BPIFB3: variants seen among roughly 807,000 people sequenced by gnomAD.
BPIFB3 encodes the protein BPI fold-containing family B member 3.
Under a neutral mutation model 53.1 loss-of-function variants are expected in BPIFB3, and 49 were observed. The ratio of observed to expected loss-of-function variants is 0.92; its 90% CI spans 0.73 to 1.17. The LOEUF is 1.17. BPIFB3 is among the 50% of genes most tolerant of loss of function. BPIFB3 has a pLI of 0.00. For missense variants in BPIFB3, 628 were observed against 592.5 expected (o/e 1.06, Z -0.62); for synonymous variants, 271 against 269.6 (o/e 1.01, Z -0.05).
chr20:33,064,243 G>A (rs1980572507), intron 6 of BPIFB3, among the ~76,000 whole-genome samples: 1 of 152,192 alleles, frequency 6.6e-6, no homozygotes, highest in Non-Finnish European at 1.5e-5. Context: ...AGGAATCCTG[G>A]TTTTGAACAC....
intron 11 of BPIFB3, among the ~76,000 whole-genome samples, chr20:33,070,532 G>A (rs566847371): frequency 2.0e-4 from 30 of 152,308 alleles, no homozygotes; most frequent in East Asian, 7.7e-4. Context: ...ACGGCAGGCC[G>A]TCCCTAGAGC....
chr20:33,055,296 T>C, upstream of BPIFB3: 2 of 1,410,276 alleles, frequency 1.4e-6, no homozygotes, highest in East Asian at 2.3e-5. Context: ...AAGGCTTTCC[T>C]GGGAGTGAAG....
At chr20:33,071,728 A>G (rs1444304144) in intron 12 of BPIFB3, among the ~76,000 whole-genome samples, 2 of 152,182 alleles carry the variant, frequency 1.3e-5, no homozygotes, top group African/African-American at 4.8e-5. Context: ...CTCAGGTTCT[A>G]GAACATTCTC....
At chr20:33,059,129 C>T (rs1980334469) in intron 2 of BPIFB3, among the ~76,000 whole-genome samples, 1 of 152,160 alleles carries the variant, frequency 6.6e-6, no homozygotes, top group Non-Finnish European at 1.5e-5. Context: ...GTTGAGCACA[C>T]ACCGTACCAG....
chr20:33,069,978 G>A, intron 11 of BPIFB3, 23 bp downstream of exon 12: 2 of 1,612,974 alleles, frequency 1.2e-6, no homozygotes, highest in Non-Finnish European at 1.7e-6. Context: ...CCTGGGGACA[G>A]GATCTTGTTC....
At chr20:33,055,320 G>C (rs533714752), upstream of BPIFB3, 5 of 1,531,162 alleles carry the variant, frequency 3.3e-6, no homozygotes, top group Admixed American at 5.2e-5. Flanking sequence ...AATTTGGGCT[G>C]TGCCAGGTGG....
At chr20:33,066,985 A>G (rs1980696549) in intron 9 of BPIFB3, 108 bp downstream of exon 10, 2 of 1,121,080 alleles carry the variant, frequency 1.8e-6, no homozygotes, top group Non-Finnish European at 2.7e-6. Context: ...GCAATTGAAC[A>G]GTTGAGTCCA....
At chr20:33,066,458 A>G (rs193112259) in intron 8 of BPIFB3, among the ~76,000 whole-genome samples, 67 of 152,354 alleles carry the variant, frequency 4.4e-4, no homozygotes, top group Middle Eastern at 6.8e-3. Context: ...GCCTTGGCAG[A>G]GTAAAAGGTT....
intron 10 of BPIFB3, among the ~76,000 whole-genome samples, chr20:33,069,329 C>G (rs930837397): frequency 5.3e-5 from 8 of 152,176 alleles, no homozygotes; most frequent in African/African-American, 1.9e-4. Context: ...CTTCCTCCAT[C>G]GCACCTCTGC....
At chr20:33,072,619 T>C in intron 13 of BPIFB3, 98 bp from the exon 15 acceptor site, 1 of 998,088 alleles carries the variant, frequency 1.0e-6, no homozygotes, top group Non-Finnish European at 1.6e-6. Context: ...GGCTGGCTAG[T>C]GAAAGTGATG....
exon 4 of BPIFB3, chr20:33,059,993 C>T (rs1305725049): frequency 1.9e-6 from 3 of 1,614,182 alleles, no homozygotes; most frequent in African/African-American, 2.7e-5. Flanking sequence ...TCCTCAAGCG[C>T]TGCAGCACGC....
At chr20:33,064,524 C>T (rs1568994759) in exon 7 of BPIFB3, 1 of 1,614,112 alleles carries the variant, frequency 6.2e-7, no homozygotes, top group Non-Finnish European at 8.5e-7. Flanking sequence ...TCATCTCCAA[C>T]CAGTACATAG....
chr20:33,054,503 T>C (rs570726828), upstream of BPIFB3, among the ~76,000 whole-genome samples: 1 of 152,200 alleles, frequency 6.6e-6, no homozygotes, highest in Non-Finnish European at 1.5e-5. Flanking sequence ...AGGCAATGTT[T>C]ATCCGGAATC....
rs778336737 is a variant in BPIFB3 at position 33,064,728 on chromosome 20, G to C, written c.807G>C (p.Lys269Asn). 5 of 1,614,126 alleles carry C rather than the reference G, an allele frequency of 3.1e-6. No individual in the cohort carries two copies. The South Asian group carries it at 5.5e-5, about 18-fold the overall frequency. ...TCCCCAAGTCCCGTGCCCCAGCCAA[G>C]GTGCCCCCCAAGAAGGACCACACAT... is the stretch of plus-strand genomic sequence containing the variant. Residue 269 changes from lysine (K) to asparagine (N), a missense_variant, in exon 8 of 15, where the codon AAG becomes AAC. Coordinates refer to ENST00000375494, the Ensembl canonical transcript of BPIFB3.
chr20:33,061,824 C>T (rs775535713), exon 5 of BPIFB3: 69 of 1,614,074 alleles, frequency 4.3e-5, no homozygotes, highest in East Asian at 1.1e-4. Flanking sequence ...AAGGTGCTTC[C>T]GGGACTGGTG....
intron 13 of BPIFB3, 52 bp from the exon 15 acceptor site, chr20:33,072,665 C>G: frequency 6.6e-6 from 10 of 1,508,334 alleles, no homozygotes; most frequent in African/African-American, 1.4e-5. Flanking sequence ...TTCCTAGGGT[C>G]CAAGAGCTCC....
chr20:33,064,421 T>G (rs769173986), intron 6 of BPIFB3, 36 bp from the exon 8 acceptor site: 1 of 1,543,256 alleles, frequency 6.5e-7, no homozygotes, highest in East Asian at 2.3e-5. Context: ...GGAACTGGGC[T>G]TATAGGGTCG....
At chr20:33,069,088 T>G (rs1302241082) in intron 10 of BPIFB3, 115 bp downstream of exon 11, 1 of 1,218,526 alleles carries the variant, frequency 8.2e-7, no homozygotes, top group Non-Finnish European at 1.1e-6. Context: ...CCCCACATAG[T>G]CCAGCACAGG....
At chr20:33,064,324 A>G (rs1980575131) in intron 6 of BPIFB3, 133 bp from the exon 8 acceptor site, 1 of 727,792 alleles carries the variant, frequency 1.4e-6, no homozygotes, top group African/African-American at 1.8e-5. Context: ...TAAAATGGGG[A>G]TGACAGTAGC....
Sources: gnomAD v4.1 joint callset for allele counts (sites outside exome capture counted in the v4.1 genomes callset) on GRCh38, gnomAD v4.1.1 for gene constraint, MANE v1.5 for transcripts, NCBI Gene and HGNC (gene_info 2026-07-23, HGNC 2026-07-21) for gene names.